Variants in IL7R observed in about 807,000 individuals in gnomAD.
IL7R encodes interleukin 7 receptor.
IL7R carries 38 observed loss-of-function variants against 47.0 expected under a neutral mutation model. The observed-to-expected ratio is 0.81, with a 90% CI of 0.62 to 1.06. The LOEUF (loss-of-function observed/expected upper bound fraction) is 1.06. IL7R is among the 50% of genes least tolerant of loss of function. The probability of loss-of-function intolerance (pLI) is 0.00; values close to 1 mark genes in which losing one functional copy is unlikely to be tolerated. For missense variants in IL7R, 633 were observed against 534.8 expected (o/e 1.18, Z -1.81); for synonymous variants, 221 against 199.8 (o/e 1.11, Z -0.89).
intron 3 of IL7R, among the ~76,000 whole-genome samples, chr5:35,869,704 C>T (rs1760022749): frequency 6.6e-6 from 1 of 152,104 alleles, no homozygotes; most frequent in Non-Finnish European, 1.5e-5. Flanking sequence ...CTCAGAAGGC[C>T]TTGTTGAGAA....
intron 2 of IL7R, 36 bp from the exon 3 acceptor site, chr5:35,867,270 C>A: frequency 3.8e-6 from 6 of 1,599,004 alleles, no homozygotes; most frequent in Non-Finnish European, 5.1e-6. Context: ...GGAACTCCTA[C>A]CTGAATCAAG....
rs1561426546 is a variant in IL7R, at chr5:35,876,984, A to T, written c.*498A>T. 8.1e-6 allele frequency: 2 copies of T among 245,662 alleles called. No homozygotes were observed. The highest frequency in any genetic ancestry group is 4.4e-5 in the African/African-American group (2 of 45,448). The allele number at this position is 245,662 out of a possible 1,614,324, so 15.2% of individuals were successfully genotyped here. Reference sequence around the variant, plus strand: ...TACTCTCTTTTTTATAGATCATTAAATTCAGAACTAAGGAGTTAAGTAACT... The same window carrying T: ...TACTCTCTTTTTTATAGATCATTAATTTCAGAACTAAGGAGTTAAGTAACT... On this transcript the variant is annotated 3_prime_UTR_variant, in exon 8 of 8. Transcript: ENST00000303115.
intron 3 of IL7R, among the ~76,000 whole-genome samples, chr5:35,868,756 G>A (rs1281127427): frequency 6.6e-6 from 1 of 152,116 alleles, no homozygotes; most frequent in East Asian, 1.9e-4. Flanking sequence ...TGGAGCATCA[G>A]GGGAGAGCCC....
At position 35,865,110 on chromosome 5, in the gene IL7R, C is replaced by G. The variant is rs544750545; in HGVS notation, c.222-2196C>G. 4.5e-3 allele frequency among the ~76,000 whole-genome samples: 681 copies of G among 152,204 alleles called. 2 individuals are homozygous for G. Among genetic ancestry groups the G allele is most frequent in the Middle Eastern group, 0.014 (4 of 294 alleles). ...TATCTCCTAATGCTATCCCTCCCCC[C>G]TCCTTCCACCTATGACTGGCCCTGG... On this transcript the variant is annotated intron_variant, in intron 2 of 7. Transcript: ENST00000303115.
intron 3 of IL7R, among the ~76,000 whole-genome samples, chr5:35,870,490 A>T (rs961485479): frequency 7.9e-5 from 12 of 152,204 alleles, no homozygotes; most frequent in Admixed American, 3.9e-4. Flanking sequence ...AAGAATAAAG[A>T]CTCAGAGTTT....
chr5:35,866,106 G>T (rs1270183173), intron 2 of IL7R, among the ~76,000 whole-genome samples: 1 of 152,096 alleles, frequency 6.6e-6, no homozygotes, highest in Non-Finnish European at 1.5e-5. Context: ...CTTATTTGCT[G>T]TGAGTTTTTA....
At position 35,877,547 on chromosome 5, in the gene IL7R, G is replaced by C; in HGVS notation, c.*1061G>C. 1 of 233,224 alleles carries C rather than the reference G, an allele frequency of 4.3e-6. No homozygotes were observed. The highest frequency in any genetic ancestry group is 6.0e-5 in the East Asian group (1 of 16,578). 14.4% of individuals were successfully genotyped at this position (233,224 alleles called of 1,614,324 possible). ...CTCAGAGGAAACTGTCGCTGACCCT[G>C]GACATGGGTACGTTTGACGAGTGAG... On this transcript the variant is annotated 3_prime_UTR_variant, in exon 8 of 8. Coordinates refer to ENST00000303115, the MANE Select transcript of IL7R (RefSeq NM_002185.5).
intron 2 of IL7R, among the ~76,000 whole-genome samples, chr5:35,863,788 A>T (rs1468334836): frequency 6.6e-6 from 1 of 152,152 alleles, no homozygotes; most frequent in East Asian, 1.9e-4. Context: ...AAATAACCCT[A>T]TGATATTACT....
At chr5:35,858,071 ACTTTGC>A (rs1453022682) in intron 1 of IL7R, among the ~76,000 whole-genome samples, 2 of 152,142 alleles carry the variant, frequency 1.3e-5, no homozygotes, top group Non-Finnish European at 2.9e-5. Context: ...TCTATGCTAA[ACTTTGC>A]CTTGGATTTC....
At chr5:35,867,240 A>T in intron 2 of IL7R, 66 bp from the exon 3 acceptor site, 1 of 1,400,384 alleles carries the variant, frequency 7.1e-7, no homozygotes, top group Non-Finnish European at 1.0e-6. Context: ...TGTGCATATG[A>T]TACTATTCCA....
chr5:35,856,962 C>G lies in IL7R; in HGVS notation c.-16C>G, dbSNP rs369139531. On this transcript the variant is annotated 5_prime_UTR_variant, in exon 1 of 8. Coordinates refer to ENST00000303115, the MANE Select transcript of IL7R (RefSeq NM_002185.5). ...ACTGGCTCACACATCTACTCTCTCT[C>G]TCTATCTCTCTCAGAATGACAATTC... The G allele has an allele frequency of 8.2e-6, 12 of 1,466,748 alleles. No individual in the cohort carries two copies. Among genetic ancestry groups the G allele is most frequent in the Non-Finnish European group, 1.0e-5 (11 of 1,048,704 alleles). 90.9% of individuals were successfully genotyped at this position (1,466,748 alleles called of 1,614,324 possible). A position where few individuals can be genotyped will look rare whatever the true frequency, so the allele number is the denominator to read the frequency against.
In IL7R at chr5:35,873,467, C is replaced by T; in HGVS notation, c.538-13C>T. On this transcript the variant is annotated splice_polypyrimidine_tract_variant and intron_variant, in intron 4 of 7. Transcript: ENST00000303115. ...TTCCCATCCTAAGAATGTAACTGCA[C>T]TCTACTCTCTAGCATGTGAATTTAT... The T allele has an allele frequency of 1.2e-6, 2 of 1,612,038 alleles. No individual in the cohort carries two copies. The highest frequency in any genetic ancestry group is 1.1e-5 in the South Asian group (1 of 91,038).
Position 35,867,423 on chromosome 5 carries a change from A to C in IL7R, c.339A>C (p.Glu113Asp), listed in dbSNP as rs11567735. 345 of 1,613,428 alleles carry C rather than the reference A, an allele frequency of 2.1e-4. 1 individual carries two copies. In the African/African-American group the frequency reaches 4.1e-3, roughly 19 times the overall value. The change falls in exon 3 of 8, where the codon GAA becomes GAC. Residue 113 changes from glutamate to aspartate, a missense_variant. Physicochemically the swap from Glu to Asp is conservative, Grantham distance 45. Coordinates refer to ENST00000303115, the MANE Select transcript of IL7R (RefSeq NM_002185.5). ...GKSNICVKVGEKSLTCKKIDL... is the reference protein window; with the variant it reads ...GKSNICVKVGDKSLTCKKIDL... ...GCAATATATGTGTGAAGGTTGGAGA[A>C]AAGAGTCTAACCTGCAAAAAAATAG...
Position 35,876,742 on chromosome 5 carries a change from TA to T in IL7R, c.*266del, listed in dbSNP as rs202167692. The T allele has an allele frequency of 5.0e-3, 2,108 of 417,670 alleles. No individual in the cohort carries two copies. The highest frequency in any genetic ancestry group is 9.1e-3 in the South Asian group (237 of 26,066). 25.9% of individuals were successfully genotyped at this position (417,670 alleles called of 1,614,324 possible). ...AAGGTGACCCAATGATTCAGCTATTTAAAAAAAAAAGAGGAAAGAATGAAAG... is the reference window on the plus strand; with the variant it reads ...AAGGTGACCCAATGATTCAGCTATTTAAAAAAAAAGAGGAAAGAATGAAAG... On this transcript the variant is annotated 3_prime_UTR_variant, in exon 8 of 8. Coordinates refer to ENST00000303115, the MANE Select transcript of IL7R (RefSeq NM_002185.5).
At position 35,874,435 on chromosome 5, in the gene IL7R, T is replaced by C; in HGVS notation, c.707-14T>C. 1.3e-6 allele frequency: 2 copies of C among 1,575,808 alleles called. No individual in the cohort carries two copies. Among genetic ancestry groups the C allele is most frequent in the Non-Finnish European group, 1.7e-6 (2 of 1,144,770 alleles). ...GCTACTGAATGCTCACCACAATCTA[T>C]TCTTGCTTTCCAGGGGAGATGGATC... On this transcript the variant is annotated splice_polypyrimidine_tract_variant and intron_variant, in intron 5 of 7. Transcript: ENST00000303115.
At chr5:35,869,423 GC>G (rs375375241) in intron 3 of IL7R, among the ~76,000 whole-genome samples, 129 of 152,310 alleles carry the variant, frequency 8.5e-4, no homozygotes, top group African/African-American at 3.0e-3. Flanking sequence ...ACGAGGACCA[GC>G]CGTTGTGATA....
chr5:35,875,811 C>G (rs538084876), intron 7 of IL7R, 172 bp from the exon 8 acceptor site: 10 of 823,252 alleles, frequency 1.2e-5, no homozygotes, highest in South Asian at 6.2e-5. Context: ...GTGGTCACTT[C>G]AAGTCTTGAA....
chr5:35,875,706 T>A, intron 7 of IL7R, 119 bp downstream of exon 7: 2 of 861,564 alleles, frequency 2.3e-6, no homozygotes, highest in African/African-American at 1.7e-5. Context: ...ATCCTGTAAC[T>A]AGGGTCCCTC....
At chr5:35,861,014 T>C in intron 2 of IL7R, 24 bp downstream of exon 2, 1 of 1,610,876 alleles carries the variant, frequency 6.2e-7, no homozygotes, top group Non-Finnish European at 8.5e-7. Flanking sequence ...GTTTTAATGG[T>C]TGCTTAGACA....
Sources: allele counts gnomAD v4.1 joint callset (sites outside exome capture counted in the v4.1 genomes callset), GRCh38; gene constraint gnomAD v4.1.1; transcripts MANE v1.5; gene names NCBI Gene and HGNC (gene_info 2026-07-23, HGNC 2026-07-21).